The following PRIM2 variants were observed in gnomAD, a reference collection of about 807,000 sequenced individuals.
The protein encoded by PRIM2 is DNA primase large subunit.
PRIM2 carries 39 observed loss-of-function variants against 67.3 expected under a neutral mutation model. That is an observed-to-expected ratio of 0.58 (90% CI 0.45 to 0.76). The LOEUF is 0.76. Ranked by LOEUF, PRIM2 falls within the 30% of genes least tolerant of loss-of-function variation. PRIM2 has a pLI of 0.00. For synonymous variants in PRIM2, 143 were observed against 198.7 expected, an observed-to-expected ratio of 0.72 and a Z score of 2.36; for missense variants, 398 against 598.7, an observed-to-expected ratio of 0.66 and a Z score of 3.50.
At chr6:57,421,265 G>A (rs1771451669) in intron 7 of PRIM2, among the ~76,000 whole-genome samples, 1 of 152,140 alleles carries the variant, frequency 6.6e-6, no homozygotes, top group Non-Finnish European at 1.5e-5. Flanking sequence ...AATAAAATTT[G>A]AGTCAAAAAT....
chr6:57,542,449 T>C (rs1312266957), intron 10 of PRIM2, among the ~76,000 whole-genome samples: 3 of 152,218 alleles, frequency 2.0e-5, no homozygotes, highest in Non-Finnish European at 4.4e-5. Flanking sequence ...TGGACACTTG[T>C]TCATTGACCT....
At chr6:57,467,105 CAA>C (rs1268292523) in intron 7 of PRIM2, among the ~76,000 whole-genome samples, 5 of 94,270 alleles carry the variant, frequency 5.3e-5, no homozygotes, top group Non-Finnish European at 8.2e-5. Context: ...AACTCCATCT[CAA>C]AAAAAAAAAA....
intron 10 of PRIM2, among the ~76,000 whole-genome samples, chr6:57,548,613 C>A (rs1297343264): frequency 1.9e-4 from 29 of 152,276 alleles, no homozygotes; most frequent in Non-Finnish European, 4.3e-4. Flanking sequence ...TTCTTTCTTA[C>A]TGTGATATAC....
intron 7 of PRIM2, among the ~76,000 whole-genome samples, chr6:57,427,168 T>G (rs376783996): frequency 6.6e-6 from 1 of 152,220 alleles, no homozygotes; most frequent in Non-Finnish European, 1.5e-5. Flanking sequence ...TCATCCTGTA[T>G]TTTTTCAGTC....
chr6:57,625,940 C>T (rs1233122344), intron 12 of PRIM2, among the ~76,000 whole-genome samples: 2,423 of 152,300 alleles, frequency 0.016, 29 homozygotes, highest in Middle Eastern at 0.031. Context: ...GACTTGGCAT[C>T]TCCACCACAT....
intron 10 of PRIM2, among the ~76,000 whole-genome samples, chr6:57,592,394 A>G (rs1248935709): frequency 6.6e-6 from 1 of 152,228 alleles, no homozygotes; most frequent in Non-Finnish European, 1.5e-5. Context: ...TAGGTCAAGA[A>G]GATGTTCCTT....
chr6:57,265,019 C>T, the PRIM2 span, among the ~76,000 whole-genome samples: 1 of 152,090 alleles, frequency 6.6e-6, no homozygotes, highest in Admixed American at 6.6e-5. Flanking sequence ...ACATGTTCTA[C>T]CTACTTGATA....
intron 8 of PRIM2, among the ~76,000 whole-genome samples, chr6:57,519,253 T>A (rs1372608674): frequency 8.9e-4 from 136 of 152,318 alleles, no homozygotes; most frequent in African/African-American, 3.3e-3. Context: ...ATTGATAGCA[T>A]CTTATCAGGA....
chr6:57,535,081 T>C (rs1479234883), intron 9 of PRIM2, among the ~76,000 whole-genome samples: 1 of 152,158 alleles, frequency 6.6e-6, no homozygotes, highest in South Asian at 2.1e-4. Flanking sequence ...TCCCCAGGGC[T>C]GTACACATAG....
chr6:57,378,066 CTTT>C (rs72149303), intron 5 of PRIM2, among the ~76,000 whole-genome samples: 2 of 142,266 alleles, frequency 1.4e-5, no homozygotes, highest in African/African-American at 2.6e-5. Context: ...TCTTCTTCTT[CTTT>C]TTTTTTTTTT....
intron 7 of PRIM2, among the ~76,000 whole-genome samples, chr6:57,480,101 G>T (rs1458390887): frequency 6.6e-6 from 1 of 152,018 alleles, no homozygotes; most frequent in Non-Finnish European, 1.5e-5. Context: ...CTGAGAGTTG[G>T]TGTCATAAAT....
intron 7 of PRIM2, among the ~76,000 whole-genome samples, chr6:57,473,186 A>G (rs1773378480): frequency 1.3e-5 from 2 of 152,192 alleles, no homozygotes; most frequent in Admixed American, 1.3e-4. Flanking sequence ...TGCAGCAAGA[A>G]CTTCTCAGTT....
chr6:57,373,817 A>G (rs1769651656), intron 5 of PRIM2, among the ~76,000 whole-genome samples: 1 of 152,078 alleles, frequency 6.6e-6, no homozygotes, highest in Admixed American at 6.6e-5. Flanking sequence ...GCCTGTTTTT[A>G]TACCAGTGCC....
intron 7 of PRIM2, among the ~76,000 whole-genome samples, chr6:57,444,793 T>G (rs1772315486): frequency 1.3e-5 from 2 of 152,106 alleles, no homozygotes; most frequent in Admixed American, 1.3e-4. Context: ...TAATTGCTTT[T>G]GCTTGGCTCC....
chr6:57,336,683 C>T (rs1022382398), intron 5 of PRIM2, among the ~76,000 whole-genome samples: 2 of 152,040 alleles, frequency 1.3e-5, no homozygotes, highest in African/African-American at 4.8e-5. Flanking sequence ...AACACCAGGC[C>T]TGCCCTAAAA....
intron 5 of PRIM2, among the ~76,000 whole-genome samples, chr6:57,367,317 A>G (rs1326344988): frequency 6.6e-6 from 1 of 152,110 alleles, no homozygotes; most frequent in Non-Finnish European, 1.5e-5. Flanking sequence ...AGATTTTCCA[A>G]TTAAAATTTT....
Position 57,326,005 on chromosome 6 carries a change from T to C in PRIM2, c.419T>C (p.Ile140Thr). ...FRFSILPKDK[I>T]QDFLKDSQLQ... is the part of the protein sequence containing the mutation. ...TTTAGTATTTTACCCAAGGATAAAA[T>C]TCAGGATTTCTTAAAGGATAGCCAA... is the stretch of plus-strand genomic sequence containing the variant. The change falls in exon 5 of 14, where the codon ATT becomes ACT. Residue 140 changes from isoleucine to threonine, a missense_variant. Ile to Thr is a moderately conservative substitution (Grantham distance 89). Transcript: ENST00000615550. 6.2e-7 allele frequency: 1 copy of C among 1,613,038 alleles called. No homozygotes were observed. The highest frequency in any genetic ancestry group is 8.5e-7 in the Non-Finnish European group (1 of 1,179,634).
intron 7 of PRIM2, among the ~76,000 whole-genome samples, chr6:57,400,261 A>G (rs1770662488): frequency 2.0e-5 from 3 of 152,292 alleles, no homozygotes; most frequent in Admixed American, 2.0e-4. Flanking sequence ...TTCTATATAT[A>G]ATGCTCCTTT....
intron 8 of PRIM2, among the ~76,000 whole-genome samples, chr6:57,517,196 T>G (rs1322775682): frequency 6.6e-6 from 1 of 152,188 alleles, no homozygotes; most frequent in African/African-American, 2.4e-5. Context: ...TCTTCACTCA[T>G]TGGGTTTCTT....
Sources: gnomAD v4.1 joint callset for allele counts (sites outside exome capture counted in the v4.1 genomes callset) on GRCh38, gnomAD v4.1.1 for gene constraint, MANE v1.5 for transcripts, NCBI Gene and HGNC (gene_info 2026-07-23, HGNC 2026-07-21) for gene names.